Variants in PTPRT observed in about 807,000 individuals in gnomAD.
PTPRT encodes receptor-type tyrosine-protein phosphatase T.
A neutral mutation model predicts 176.8 loss-of-function variants in PTPRT; 56 were observed. The ratio of observed to expected loss-of-function variants is 0.32; its 90% confidence interval spans 0.26 to 0.40. PTPRT has a LOEUF of 0.40. PTPRT is among the 10% of genes least tolerant of loss of function. PTPRT has a pLI of 1.00. For synonymous variants in PTPRT, 783 were observed against 739.0 expected (o/e 1.06, Z -0.96); for missense variants, 1,540 against 1,908.2 (o/e 0.81, Z 3.60).
intron 1 of PTPRT, among the ~76,000 whole-genome samples, chr20:42,975,901 C>T (rs892996786): frequency 6.6e-6 from 1 of 151,144 alleles, no homozygotes; most frequent in Non-Finnish European, 1.5e-5. Context: ...TTAAAAAAAA[C>T]TATCAGTCCA....
intron 11 of PTPRT, among the ~76,000 whole-genome samples, chr20:42,342,833 A>G (rs2058132016): frequency 2.6e-5 from 4 of 152,180 alleles, no homozygotes; most frequent in Admixed American, 2.0e-4. Context: ...TCTTCCCAAT[A>G]AAGTTTCTTC....
At position 42,110,392 on chromosome 20, in the gene PTPRT, G is replaced by C. The variant is rs777160048; in HGVS notation, c.3195C>G (p.Phe1065Leu). ...VPCYATGLLG[F>L]VRQVKFLNPP... ...GGTTGAGGAACTTGACCTGGCGGAC[G>C]AAGCCCAGAAGGCCAGTGGCATAGC... is the stretch of plus-strand genomic sequence containing the variant. The change falls in exon 23 of 31, where the codon TTC becomes TTG. Residue 1065 changes from phenylalanine to leucine, a missense_variant. Physicochemically the swap from Phe to Leu is conservative, Grantham distance 22. This residue lies in a region of PTPRT where 248 missense variants were observed against 356.7 expected (regional missense o/e 0.70). Transcript: ENST00000373187. The C allele has an allele frequency of 1.2e-6, 2 of 1,612,628 alleles. No individual in the cohort carries two copies. Among genetic ancestry groups the C allele is most frequent in the Non-Finnish European group, 1.7e-6 (2 of 1,178,858 alleles).
chr20:42,558,957 T>C (rs1167064621), intron 7 of PTPRT, among the ~76,000 whole-genome samples: 1 of 152,112 alleles, frequency 6.6e-6, no homozygotes, highest in Admixed American at 6.5e-5. Flanking sequence ...GAAGCTTTCA[T>C]GTGTCGACTG....
intron 2 of PTPRT, among the ~76,000 whole-genome samples, chr20:42,839,604 G>A (rs2078242582): frequency 6.6e-6 from 1 of 152,146 alleles, no homozygotes; most frequent in Non-Finnish European, 1.5e-5. Context: ...ATAAGGGAAA[G>A]CAGCGATTCC....
At chr20:42,610,177 T>C (rs1026920056) in intron 7 of PTPRT, among the ~76,000 whole-genome samples, 2 of 152,276 alleles carry the variant, frequency 1.3e-5, no homozygotes, top group East Asian at 3.9e-4. Flanking sequence ...GTGCTCTCTG[T>C]AGAAATGGGG....
chr20:42,034,991 T>C, the PTPRT span, among the ~76,000 whole-genome samples: 1 of 152,154 alleles, frequency 6.6e-6, no homozygotes. Flanking sequence ...GGTTAGGGGT[T>C]CACTGAGGGG....
chr20:43,184,778 T>C (rs1254271477), intron 1 of PTPRT, among the ~76,000 whole-genome samples: 2 of 152,188 alleles, frequency 1.3e-5, no homozygotes, highest in Non-Finnish European at 2.9e-5. Context: ...CCATTTTTCA[T>C]GGTTGACTTC....
the PTPRT span, among the ~76,000 whole-genome samples, chr20:42,055,259 TC>T: frequency 1.3e-5 from 2 of 152,236 alleles, no homozygotes; most frequent in East Asian, 3.8e-4. Flanking sequence ...TGGAAAGTTT[TC>T]CCCCAGTTTT....
intron 2 of PTPRT, among the ~76,000 whole-genome samples, chr20:42,827,434 A>G (rs1203359094): frequency 6.6e-6 from 1 of 152,232 alleles, no homozygotes; most frequent in East Asian, 1.9e-4. Flanking sequence ...AAAATTAAAC[A>G]ATATGCCCCT....
rs558688380 is a variant in PTPRT at position 42,611,771 on chromosome 20, C to G, written c.1153+66095G>C. Among the ~76,000 whole-genome samples the G allele has an allele frequency of 2.0e-5, 3 of 152,310 alleles. No homozygotes were observed. The South Asian group carries it at 6.2e-4, about 32-fold the overall frequency. ...TGTCAAGGGTGAGAGCCAGCCCAGA[C>G]TGCCATGAAATAAACCAACATGCTT... On this transcript the variant is annotated intron_variant, in intron 7 of 30. Transcript: ENST00000373187.
chr20:43,041,382 A>T (rs929799771), intron 1 of PTPRT, among the ~76,000 whole-genome samples: 4 of 152,244 alleles, frequency 2.6e-5, no homozygotes, highest in Non-Finnish European at 4.4e-5. Flanking sequence ...TTGGCTTTTT[A>T]AAATTTATGA....
chr20:43,062,562 C>T (rs1489217383), intron 1 of PTPRT, among the ~76,000 whole-genome samples: 1 of 152,180 alleles, frequency 6.6e-6, no homozygotes, highest in African/African-American at 2.4e-5. Context: ...ACTATTAGCT[C>T]TCCCTGAAAA....
intron 5 of PTPRT, among the ~76,000 whole-genome samples, chr20:42,762,087 G>A (rs1292429932): frequency 6.6e-6 from 1 of 152,164 alleles, no homozygotes; most frequent in Non-Finnish European, 1.5e-5. Flanking sequence ...CTAGCATTCT[G>A]GAAATCTTGG....
chr20:42,577,967 G>A (rs951214476), intron 7 of PTPRT, among the ~76,000 whole-genome samples: 1 of 132,140 alleles, frequency 7.6e-6, no homozygotes, highest in Non-Finnish European at 1.6e-5. Flanking sequence ...GTGTGTGTGT[G>A]TGTAGGCATA....
chr20:43,014,563 C>T (rs1001695669), intron 1 of PTPRT, among the ~76,000 whole-genome samples: 1 of 152,088 alleles, frequency 6.6e-6, no homozygotes, highest in Non-Finnish European at 1.5e-5. Flanking sequence ...ATCGGCATTC[C>T]GGGGATGGCA....
intron 6 of PTPRT, among the ~76,000 whole-genome samples, chr20:42,690,342 G>C (rs936849248): frequency 2.0e-5 from 3 of 152,136 alleles, no homozygotes; most frequent in South Asian, 4.1e-4. Flanking sequence ...AACAGACAGG[G>C]GGACCAATAA....
intron 6 of PTPRT, among the ~76,000 whole-genome samples, chr20:42,702,810 A>G (rs940686916): frequency 1.3e-5 from 2 of 152,208 alleles, no homozygotes; most frequent in African/African-American, 4.8e-5. Context: ...GATCTTCTTG[A>G]TTCAAAGGCT....
intron 1 of PTPRT, among the ~76,000 whole-genome samples, chr20:42,929,440 T>C (rs146548919): frequency 2.0e-5 from 3 of 152,342 alleles, no homozygotes; most frequent in Non-Finnish European, 4.4e-5. Context: ...TAAATATGAA[T>C]AGGAAAAAAT....
At chr20:42,518,197 T>C (rs1411559083) in intron 7 of PTPRT, among the ~76,000 whole-genome samples, 1 of 152,052 alleles carries the variant, frequency 6.6e-6, no homozygotes, top group Admixed American at 6.6e-5. Flanking sequence ...TCTCTGGTAA[T>C]GCAAACTGTC....
Sources: allele counts gnomAD v4.1 joint callset (sites outside exome capture counted in the v4.1 genomes callset), GRCh38; gene constraint gnomAD v4.1.1; regional missense constraint gnomAD v4.1.1; transcripts MANE v1.5; gene names NCBI Gene and HGNC (gene_info 2026-07-23, HGNC 2026-07-21).